Variants in HHAT observed in about 807,000 individuals in gnomAD.
HHAT encodes hedgehog acyltransferase, also known as protein-cysteine N-palmitoyltransferase HHAT.
A neutral mutation model predicts 70.8 loss-of-function variants in HHAT; 47 were observed. That is an observed-to-expected ratio of 0.66 (90% confidence interval 0.53 to 0.85). The LOEUF is 0.85. HHAT is among the 40% of genes least tolerant of loss of function. The probability of loss-of-function intolerance (pLI) is 0.00; values close to 1 mark genes in which losing one functional copy is unlikely to be tolerated. For missense variants in HHAT, 609 were observed against 604.8 expected, an observed-to-expected ratio of 1.01 and a Z score of -0.07; for synonymous variants, 228 against 247.6, an observed-to-expected ratio of 0.92 and a Z score of 0.74.
At chr1:210,514,164 A>G (rs1388916065) in intron 9 of HHAT, among the ~76,000 whole-genome samples, 4 of 152,168 alleles carry the variant, frequency 2.6e-5, no homozygotes, top group Non-Finnish European at 5.9e-5. Context: ...TCCACACTGG[A>G]TATGGTGATG....
At chr1:210,357,123 A>G (rs558852259) in intron 2 of HHAT, among the ~76,000 whole-genome samples, 1 of 152,358 alleles carries the variant, frequency 6.6e-6, no homozygotes, top group South Asian at 2.1e-4. Flanking sequence ...CTTAGGAAAC[A>G]GTTGAATCAC....
chr1:210,561,761 C>G (rs749631102), intron 9 of HHAT, among the ~76,000 whole-genome samples: 5 of 152,288 alleles, frequency 3.3e-5, no homozygotes, highest in South Asian at 2.1e-4. Flanking sequence ...TTTGTTGCCT[C>G]CACGTACTTA....
At chr1:210,355,310 T>C (rs1280445586) in intron 2 of HHAT, among the ~76,000 whole-genome samples, 1 of 152,222 alleles carries the variant, frequency 6.6e-6, no homozygotes, top group Admixed American at 6.5e-5. Context: ...AACAATACAA[T>C]AGTTGAATGT....
chr1:210,441,584 G>A lies in HHAT; in HGVS notation c.857-22921G>A, dbSNP rs547570562. 8.5e-5 allele frequency among the ~76,000 whole-genome samples: 13 copies of A among 152,220 alleles called. No individual in the cohort carries two copies. The South Asian group carries it at 1.2e-3, about 15-fold the overall frequency. ...TTGTCTTTAGATTTTGACAAGGATA[G>A]CCCTATGGCTCACCAAAGATATTAG... is the stretch of plus-strand genomic sequence containing the variant. On this transcript the variant is annotated intron_variant, in intron 7 of 11. Transcript: ENST00000261458.
intron 10 of HHAT, among the ~76,000 whole-genome samples, chr1:210,601,894 A>G (rs1367830085): frequency 1.3e-5 from 2 of 151,042 alleles, no homozygotes; most frequent in Non-Finnish European, 2.9e-5. Context: ...GAAATTTGGG[A>G]CCATATAGAT....
chr1:210,542,247 G>A (rs1233876741), intron 9 of HHAT, among the ~76,000 whole-genome samples: 7 of 152,104 alleles, frequency 4.6e-5, no homozygotes, highest in Admixed American at 4.6e-4. Context: ...CTCTGGGCAG[G>A]GAATAAATAG....
chr1:210,565,309 C>T (rs1479345789), intron 9 of HHAT, among the ~76,000 whole-genome samples: 1 of 152,204 alleles, frequency 6.6e-6, no homozygotes, highest in Non-Finnish European at 1.5e-5. Context: ...TGAGTTAAGT[C>T]TGCCCTGAAA....
At chr1:210,439,922 A>G (rs779361786) in intron 7 of HHAT, among the ~76,000 whole-genome samples, 1 of 151,886 alleles carries the variant, frequency 6.6e-6, no homozygotes, top group Non-Finnish European at 1.5e-5. Flanking sequence ...AGCCCAGTCT[A>G]TAGATACCTT....
chr1:210,491,953 G>A (rs941338139), intron 8 of HHAT, among the ~76,000 whole-genome samples: 7 of 152,216 alleles, frequency 4.6e-5, no homozygotes, highest in African/African-American at 1.7e-4. Flanking sequence ...AGTAGAGACA[G>A]GATTTTACCA....
chr1:210,630,498 A>T (rs1221944341), intron 11 of HHAT, among the ~76,000 whole-genome samples: 1 of 152,248 alleles, frequency 6.6e-6, no homozygotes, highest in Non-Finnish European at 1.5e-5. Context: ...ATTAAATTTC[A>T]CAGAAGGACA....
At chr1:210,466,146 CGCAAGGAATT>C (rs945135485) in intron 8 of HHAT, among the ~76,000 whole-genome samples, 307 of 149,784 alleles carry the variant, frequency 2.0e-3, no homozygotes, top group African/African-American at 7.0e-3. Flanking sequence ...TGCAAGGAAT[CGCAAGGAATT>C]GCAAGGAATT....
chr1:210,364,289 G>A (rs1006430078), intron 3 of HHAT, among the ~76,000 whole-genome samples: 1 of 152,200 alleles, frequency 6.6e-6, no homozygotes, highest in Non-Finnish European at 1.5e-5. Context: ...GCCCACTTCA[G>A]AGATGAGGAA....
At chr1:210,673,689 T>G (rs1382293789) in intron 11 of HHAT, among the ~76,000 whole-genome samples, 1 of 151,758 alleles carries the variant, frequency 6.6e-6, no homozygotes, top group Admixed American at 6.6e-5. Flanking sequence ...ACTCCTGATC[T>G]CAAGTGATCC....
chr1:210,384,404 A>AT (rs1419650085), intron 3 of HHAT, among the ~76,000 whole-genome samples: 1 of 152,184 alleles, frequency 6.6e-6, no homozygotes, highest in African/African-American at 2.4e-5. Flanking sequence ...GTTTATGAAC[A>AT]TTCAGCTGTA....
rs670651 is a variant in HHAT at position 210,341,454 on chromosome 1, T to G, written c.-43-7479T>G. On this transcript the variant is annotated intron_variant, in intron 1 of 11. Coordinates refer to ENST00000261458, the MANE Select transcript of HHAT (RefSeq NM_018194.6). ...TGTTTCAGGCTTTGGCAAGGTGTGC[T>G]GTACTTTTCTTCCAAGATCAAGGAA... 5.8e-3 allele frequency among the ~76,000 whole-genome samples: 877 copies of G among 152,358 alleles called. 8 individuals are homozygous for G. The highest frequency in any genetic ancestry group is 0.02 in the African/African-American group (841 of 41,586).
chr1:210,615,465 G>T (rs1484238391), intron 10 of HHAT, among the ~76,000 whole-genome samples: 4 of 152,186 alleles, frequency 2.6e-5, no homozygotes, highest in African/African-American at 9.7e-5. Flanking sequence ...GTCCAGCTTT[G>T]TTCCATTGCT....
intron 1 of HHAT, among the ~76,000 whole-genome samples, chr1:210,338,894 C>T (rs2085752334): frequency 6.6e-6 from 1 of 152,118 alleles, no homozygotes; most frequent in Non-Finnish European, 1.5e-5. Context: ...ACACAACAAT[C>T]AGAACTGCTA....
chr1:210,585,749 G>T (rs576656872), intron 9 of HHAT, among the ~76,000 whole-genome samples: 1 of 152,184 alleles, frequency 6.6e-6, no homozygotes, highest in Non-Finnish European at 1.5e-5. Flanking sequence ...ATACAGCTTG[G>T]ATAAGGGGGA....
At chr1:210,565,185 G>A (rs1366656170) in intron 9 of HHAT, among the ~76,000 whole-genome samples, 1 of 152,172 alleles carries the variant, frequency 6.6e-6, no homozygotes, top group African/African-American at 2.4e-5. Flanking sequence ...GACAAATCGT[G>A]AATGGACATG....
Sources: allele counts gnomAD v4.1 joint callset (sites outside exome capture counted in the v4.1 genomes callset), GRCh38; gene constraint gnomAD v4.1.1; transcripts MANE v1.5; gene names NCBI Gene and HGNC (gene_info 2026-07-23, HGNC 2026-07-21).